The following CKS2 variants were observed in gnomAD, a reference collection of about 807,000 sequenced individuals.
CKS2 encodes CDC28 protein kinase regulatory subunit 2, also known as cyclin-dependent kinases regulatory subunit 2.
A neutral mutation model predicts 14.3 loss-of-function variants in CKS2; 4 were observed. That is an observed-to-expected ratio of 0.28 (90% confidence interval 0.14 to 0.64). The LOEUF (loss-of-function observed/expected upper bound fraction) is 0.64. Among genes scored for constraint, CKS2 ranks in the 30% least tolerant of loss-of-function variants. CKS2 has a pLI of 0.83. For missense variants in CKS2, 71 were observed against 94.3 expected, an observed-to-expected ratio of 0.75 and a Z score of 1.02; for synonymous variants, 33 against 28.7, an observed-to-expected ratio of 1.15 and a Z score of -0.48.
chr9:89,311,451 T>TGGGGGGGGGGGGGGGGGGGGCGGGGGCGG, intron 1 of CKS2, 100 bp downstream of exon 1: 1 of 355,826 alleles, frequency 2.8e-6, no homozygotes, highest in East Asian at 8.8e-5. Context: ...GGCCGGGGCC[T>TGGGGGGGGGGGGGGGGGGGGCGGGGGCGG]GGGGGGCGGA....
chr9:89,314,840 T>TA (rs1282742202), intron 1 of CKS2, among the ~76,000 whole-genome samples: 1 of 152,238 alleles, frequency 6.6e-6, no homozygotes, highest in Non-Finnish European at 1.5e-5. Context: ...CATAATAAGT[T>TA]ACACATTTTC....
intron 2 of CKS2, among the ~76,000 whole-genome samples, chr9:89,315,533 T>A (rs1824693127): frequency 5.3e-5 from 7 of 132,464 alleles, no homozygotes; most frequent in Admixed American, 7.5e-5. Context: ...ATGTAAGAAG[T>A]AAAAAAAAAA....
chr9:89,311,398 C>G (rs1824603874), intron 1 of CKS2, 47 bp downstream of exon 1: 3 of 1,546,612 alleles, frequency 1.9e-6, no homozygotes, highest in South Asian at 1.2e-5. Flanking sequence ...AGCCGGGGCC[C>G]CCGCGGGCGG....
chr9:89,311,319 G>A lies in CKS2; in HGVS notation c.27G>A (p.Ser9=), dbSNP rs141662758. 4.3e-6 allele frequency: 7 copies of A among 1,610,824 alleles called. No homozygotes were observed. The highest frequency in any genetic ancestry group is 5.9e-6 in the Non-Finnish European group (7 of 1,178,802). The part of the protein sequence containing the change: MAHKQIYY[S]DKYFDEHYEY... ...TGGCCCACAAGCAGATCTACTACTC[G>A]GACAAGTACTTCGACGAACACTACG... The change falls in exon 1 of 3, where the codon TCG becomes TCA. Residue 9 remains serine (S), a synonymous_variant. Transcript: ENST00000314355.
chr9:89,314,824 A>G (rs1824678761), intron 1 of CKS2, among the ~76,000 whole-genome samples: 2 of 152,210 alleles, frequency 1.3e-5, no homozygotes, highest in Admixed American at 1.3e-4. Flanking sequence ...CTTTGAGAAC[A>G]CTTTTCATAA....
intron 1 of CKS2, among the ~76,000 whole-genome samples, chr9:89,312,642 C>G (rs1015737312): frequency 4.6e-5 from 7 of 152,130 alleles, no homozygotes; most frequent in Admixed American, 3.3e-4. Context: ...CTTTTGTATT[C>G]CTAGCTAGAA....
At chr9:89,315,128 A>ATCTG in intron 1 of CKS2, 42 bp from the exon 2 acceptor site, 1 of 1,558,698 alleles carries the variant, frequency 6.4e-7, no homozygotes, top group South Asian at 1.2e-5. Flanking sequence ...CGACAGTTGT[A>ATCTG]GAAAAGGCAC....
In CKS2 at chr9:89,311,233, T is replaced by A. The variant is rs984570643; in HGVS notation, c.-60T>A. On this transcript the variant is annotated 5_prime_UTR_variant, in exon 1 of 3. Coordinates refer to ENST00000314355, the MANE Select transcript of CKS2 (RefSeq NM_001827.3). ...GAGTTGTTGCCTGGGCTGGACGTGG[T>A]TTTGTCTGCTGCGCCCGCTCTTCGC... is the stretch of plus-strand genomic sequence containing the variant. 1 of 1,455,248 alleles carries A rather than the reference T, an allele frequency of 6.9e-7. No homozygotes were observed. Among genetic ancestry groups the A allele is most frequent in the African/African-American group, 1.4e-5 (1 of 71,268 alleles). 90.1% of individuals were successfully genotyped at this position (1,455,248 alleles called of 1,614,324 possible).
Position 89,311,243 on chromosome 9 carries a change from T to C in CKS2, c.-50T>C. 1.9e-6 allele frequency: 3 copies of C among 1,543,786 alleles called. No individual in the cohort carries two copies. The highest frequency in any genetic ancestry group is 2.7e-6 in the Non-Finnish European group (3 of 1,121,456). On this transcript the variant is annotated 5_prime_UTR_variant, in exon 1 of 3. Coordinates refer to ENST00000314355, the MANE Select transcript of CKS2 (RefSeq NM_001827.3). ...CTGGGCTGGACGTGGTTTTGTCTGCTGCGCCCGCTCTTCGCGCTCTCGTTT... is the reference window on the plus strand; with the variant it reads ...CTGGGCTGGACGTGGTTTTGTCTGCCGCGCCCGCTCTTCGCGCTCTCGTTT...
At position 89,316,679 on chromosome 9, in the gene CKS2, C is replaced by T. The variant is rs1439770934; in HGVS notation, c.*254C>T. ...TTTACTGAAACAGTTTACTTTTGTT[C>T]AATAAAGTTTGTATGTTGCATTTAT... On this transcript the variant is annotated 3_prime_UTR_variant, in exon 3 of 3. Transcript: ENST00000314355. 3 of 356,034 alleles carry T rather than the reference C, an allele frequency of 8.4e-6. No homozygotes were observed. Among genetic ancestry groups the T allele is most frequent in the Admixed American group, 9.1e-5 (2 of 21,946 alleles). 22.1% of individuals were successfully genotyped at this position (356,034 alleles called of 1,614,324 possible).
intron 1 of CKS2, 69 bp from the exon 2 acceptor site, chr9:89,315,101 A>G (rs1319502576): frequency 1.5e-6 from 2 of 1,370,586 alleles, no homozygotes; most frequent in African/African-American, 3.0e-5. Flanking sequence ...AGAGTTCCTT[A>G]AGGTACATGT....
chr9:89,316,246 G>A, intron 2 of CKS2, 127 bp from the exon 3 acceptor site: 1 of 623,410 alleles, frequency 1.6e-6, no homozygotes, highest in Non-Finnish European at 2.9e-6. Flanking sequence ...AAATCATTTT[G>A]GATACCTCAA....
intron 1 of CKS2, 32 bp from the exon 2 acceptor site, chr9:89,315,138 C>G (rs771110888): frequency 1.9e-6 from 3 of 1,576,972 alleles, no homozygotes; most frequent in South Asian, 1.2e-5. Flanking sequence ...AGAAAAGGCA[C>G]TGGACTAACA....
Position 89,315,984 on chromosome 9 carries a change from C to G in CKS2, c.188-389C>G, listed in dbSNP as rs78299178. On this transcript the variant is annotated intron_variant, in intron 2 of 2. Coordinates refer to ENST00000314355, the MANE Select transcript of CKS2 (RefSeq NM_001827.3). The stretch of plus-strand genomic sequence containing the variant: ...CTGCTGTTAAAGAAAAGCATTGCAT[C>G]GAAAACTCTAAAAGGACTCATCACT... Among the ~76,000 whole-genome samples, 786 of 152,238 alleles carry G rather than the reference C, an allele frequency of 5.2e-3. 10 individuals are homozygous for G. Among genetic ancestry groups the G allele is most frequent in the African/African-American group, 0.018 (734 of 41,542 alleles).
chr9:89,312,186 G>A (rs530641927), intron 1 of CKS2: 3 of 154,766 alleles, frequency 1.9e-5, no homozygotes, highest in East Asian at 3.9e-4. Context: ...CTGAAGCACC[G>A]TACTAGAACA....
chr9:89,315,887 A>G (rs539632743), intron 2 of CKS2, among the ~76,000 whole-genome samples: 10 of 152,356 alleles, frequency 6.6e-5, no homozygotes, highest in Middle Eastern at 3.4e-3. Flanking sequence ...AACAGCATTT[A>G]TAATGCTTTG....
chr9:89,311,235 T>A lies in CKS2; in HGVS notation c.-58T>A. ...GTTGTTGCCTGGGCTGGACGTGGTT[T>A]TGTCTGCTGCGCCCGCTCTTCGCGC... On this transcript the variant is annotated 5_prime_UTR_variant, in exon 1 of 3. In the 5' UTR this introduces an upstream ATG that the reference lacks. Coordinates refer to ENST00000314355, the MANE Select transcript of CKS2 (RefSeq NM_001827.3). 4 of 1,477,620 alleles carry A rather than the reference T, an allele frequency of 2.7e-6. No individual in the cohort carries two copies. The highest frequency in any genetic ancestry group is 3.8e-6 in the Non-Finnish European group (4 of 1,063,268). 91.5% of individuals were successfully genotyped at this position (1,477,620 alleles called of 1,614,324 possible).
At chr9:89,315,013 C>T (rs753433593) in intron 1 of CKS2, among the ~76,000 whole-genome samples, 157 bp from the exon 2 acceptor site, 4 of 152,170 alleles carry the variant, frequency 2.6e-5, no homozygotes, top group Non-Finnish European at 5.9e-5. Context: ...ATTGTGCACT[C>T]TTAGCTCCCT....
At chr9:89,315,524 T>G (rs1255457509) in intron 2 of CKS2, among the ~76,000 whole-genome samples, 8 of 103,958 alleles carry the variant, frequency 7.7e-5, no homozygotes, top group Non-Finnish European at 1.5e-4. Context: ...TGGAAAATAA[T>G]GTAAGAAGTA....
Sources: gnomAD v4.1 joint callset for allele counts (sites outside exome capture counted in the v4.1 genomes callset) on GRCh38, gnomAD v4.1.1 for gene constraint, MANE v1.5 for transcripts, NCBI Gene and HGNC (gene_info 2026-07-23, HGNC 2026-07-21) for gene names.